Variants in KCNQ5 observed in about 807,000 individuals in gnomAD.
The protein encoded by KCNQ5 is potassium voltage-gated channel subfamily Q member 5.
In KCNQ5, 30 loss-of-function variants were observed where a neutral mutation model predicts 98.2. That is an observed-to-expected ratio of 0.31 (90% confidence interval 0.23 to 0.41). KCNQ5 has a LOEUF of 0.41. Ranked by LOEUF, KCNQ5 falls within the 10% of genes least tolerant of loss-of-function variation. The pLI, the probability that KCNQ5 is intolerant of heterozygous loss-of-function variation, is 1.00. For synonymous variants in KCNQ5, 458 were observed against 449.4 expected (o/e 1.02, Z -0.24); for missense variants, 835 against 1,182.5 (o/e 0.71, Z 4.31).
chr6:72,987,323 G>T, intron 1 of KCNQ5: 1 of 704,732 alleles, frequency 1.4e-6, no homozygotes, highest in Non-Finnish European at 2.7e-6. Context: ...TGGACGAGGC[G>T]CACATAGACC....
intron 1 of KCNQ5, among the ~76,000 whole-genome samples, chr6:72,762,596 G>T (rs929323412): frequency 6.6e-6 from 1 of 152,048 alleles, no homozygotes; most frequent in Non-Finnish European, 1.5e-5. Flanking sequence ...AGGTGGTGTA[G>T]TATGGCCAAA....
chr6:72,948,839 CT>C (rs1264183945), intron 1 of KCNQ5, among the ~76,000 whole-genome samples: 1 of 152,058 alleles, frequency 6.6e-6, no homozygotes, highest in East Asian at 1.9e-4. Context: ...ATATTATCTC[CT>C]TGAAATTTCT....
chr6:72,918,395 A>G (rs1323700706), intron 1 of KCNQ5, among the ~76,000 whole-genome samples: 1 of 152,020 alleles, frequency 6.6e-6, no homozygotes, highest in Admixed American at 6.6e-5. Flanking sequence ...AGTATAATGG[A>G]CAATTTGGTT....
At chr6:73,169,584 GAAGA>G (rs2150503370) in intron 10 of KCNQ5, among the ~76,000 whole-genome samples, 158 bp from the exon 11 acceptor site, 1 of 152,242 alleles carries the variant, frequency 6.6e-6, no homozygotes, top group African/African-American at 2.4e-5. Flanking sequence ...TGTAGAAAAA[GAAGA>G]AAGAATAATA....
At chr6:72,904,844 T>C (rs1779639877) in intron 1 of KCNQ5, among the ~76,000 whole-genome samples, 1 of 152,218 alleles carries the variant, frequency 6.6e-6, no homozygotes, top group Non-Finnish European at 1.5e-5. Flanking sequence ...CTGATGACAA[T>C]GTGCCTAGGC....
chr6:72,824,608 CA>C (rs1276639986), intron 1 of KCNQ5, among the ~76,000 whole-genome samples: 2 of 152,054 alleles, frequency 1.3e-5, no homozygotes, highest in Non-Finnish European at 2.9e-5. Flanking sequence ...ATGTACTTTG[CA>C]GCCTAATGAT....
chr6:72,640,158 A>C (rs1300863921), intron 1 of KCNQ5, among the ~76,000 whole-genome samples: 1 of 152,082 alleles, frequency 6.6e-6, no homozygotes, highest in Non-Finnish European at 1.5e-5. Flanking sequence ...GCCCTAACCC[A>C]AGGCTGGCAA....
intron 1 of KCNQ5, among the ~76,000 whole-genome samples, chr6:72,896,992 CT>C (rs1779277717): frequency 6.6e-6 from 1 of 151,868 alleles, no homozygotes; most frequent in Admixed American, 6.6e-5. Context: ...GTAGTAAATT[CT>C]TATCTACCAT....
At chr6:72,893,013 T>C (rs1418523255) in intron 1 of KCNQ5, among the ~76,000 whole-genome samples, 2 of 152,198 alleles carry the variant, frequency 1.3e-5, no homozygotes, top group Non-Finnish European at 2.9e-5. Flanking sequence ...TCATTTTCCA[T>C]TTGCCTACCC....
intron 1 of KCNQ5, among the ~76,000 whole-genome samples, chr6:72,793,938 T>C (rs948493981): frequency 2.0e-5 from 3 of 152,182 alleles, no homozygotes; most frequent in African/African-American, 7.2e-5. Context: ...CATTCGGAGA[T>C]CAGAGAATGA....
At chr6:73,097,070 A>T (rs967238362) in intron 5 of KCNQ5, among the ~76,000 whole-genome samples, 7 of 151,134 alleles carry the variant, frequency 4.6e-5, no homozygotes, top group African/African-American at 1.7e-4. Flanking sequence ...AGAATTTGAA[A>T]TTTAGTCTTA....
chr6:73,084,785 G>A (rs1018526367), intron 5 of KCNQ5, among the ~76,000 whole-genome samples: 3 of 152,186 alleles, frequency 2.0e-5, no homozygotes, highest in African/African-American at 7.2e-5. Context: ...TTGGGTTCTT[G>A]TGTGGGCCTG....
At chr6:72,797,376 G>A (rs984918476) in intron 1 of KCNQ5, among the ~76,000 whole-genome samples, 9 of 151,598 alleles carry the variant, frequency 5.9e-5, no homozygotes, top group African/African-American at 1.5e-4. Flanking sequence ...ATGTTGGCAC[G>A]CACCTGTCAT....
chr6:73,120,444 C>CT (rs760213630), intron 7 of KCNQ5, 39 bp from the exon 8 acceptor site: 2 of 1,403,896 alleles, frequency 1.4e-6, no homozygotes, highest in South Asian at 1.2e-5. Context: ...ATCCTGCTCT[C>CT]TTTTTTCTTT....
At chr6:73,173,100 A>G (rs1305631952) in intron 11 of KCNQ5, among the ~76,000 whole-genome samples, 1 of 152,224 alleles carries the variant, frequency 6.6e-6, no homozygotes, top group Non-Finnish European at 1.5e-5. Context: ...GTAAAGAATT[A>G]CTATTCTTAG....
chr6:72,959,102 T>C (rs2150264687), intron 1 of KCNQ5, among the ~76,000 whole-genome samples: 1 of 152,362 alleles, frequency 6.6e-6, no homozygotes, highest in Non-Finnish European at 1.5e-5. Flanking sequence ...CAGATATTTT[T>C]GCAGGAGAAA....
intron 1 of KCNQ5, among the ~76,000 whole-genome samples, chr6:72,676,226 C>T (rs1481218897): frequency 6.6e-6 from 1 of 152,124 alleles, no homozygotes; most frequent in Non-Finnish European, 1.5e-5. Context: ...TCAGCATGCA[C>T]ATCAGCATGT....
chr6:73,072,532 A>G (rs1773342591), intron 3 of KCNQ5, among the ~76,000 whole-genome samples: 1 of 152,188 alleles, frequency 6.6e-6, no homozygotes. Context: ...TTCAGTGACT[A>G]ACACCTTTTA....
intron 1 of KCNQ5, among the ~76,000 whole-genome samples, chr6:72,829,363 T>G (rs562462175): frequency 6.6e-6 from 1 of 152,308 alleles, no homozygotes; most frequent in African/African-American, 2.4e-5. Flanking sequence ...GGCATTTTTG[T>G]TCACACCTTA....
Sources: gnomAD v4.1 joint callset for allele counts (sites outside exome capture counted in the v4.1 genomes callset) on GRCh38, gnomAD v4.1.1 for gene constraint, MANE v1.5 for transcripts, NCBI Gene and HGNC (gene_info 2026-07-23, HGNC 2026-07-21) for gene names.